The following PTPRN2 variants were observed in gnomAD, a reference collection of about 807,000 sequenced individuals.
PTPRN2 encodes receptor-type tyrosine-protein phosphatase N2.
PTPRN2 carries 74 observed loss-of-function variants against 118.8 expected under a neutral mutation model. The observed-to-expected ratio is 0.62, with a 90% CI of 0.52 to 0.76. The LOEUF is 0.76. Among genes scored for constraint, PTPRN2 ranks in the 30% least tolerant of loss-of-function variants. PTPRN2 has a pLI of 0.00. For missense variants in PTPRN2, 1,481 were observed against 1,394.4 expected (o/e 1.06, Z -0.99); for synonymous variants, 641 against 608.0 (o/e 1.05, Z -0.80).
intron 2 of PTPRN2, among the ~76,000 whole-genome samples, chr7:158,319,550 C>T (rs1304009104): frequency 6.9e-6 from 1 of 144,160 alleles, no homozygotes; most frequent in Non-Finnish European, 1.5e-5. Flanking sequence ...CTCCCTCACA[C>T]ACACACGGTC....
At chr7:158,488,415 C>T (rs1821187610) in intron 2 of PTPRN2, among the ~76,000 whole-genome samples, 1 of 152,208 alleles carries the variant, frequency 6.6e-6, no homozygotes. Context: ...ACCTGCTCTC[C>T]TCTTGGCGCC....
At chr7:157,597,456 C>T (rs983763757) in intron 16 of PTPRN2, among the ~76,000 whole-genome samples, 10 of 150,516 alleles carry the variant, frequency 6.6e-5, no homozygotes, top group South Asian at 2.1e-4. Flanking sequence ...AGGAAAGCCC[C>T]GCCTCCTTCT....
Position 158,426,061 on chromosome 7 carries a change from G to A in PTPRN2, c.163+63674C>T, listed in dbSNP as rs377456927. On this transcript the variant is annotated intron_variant, in intron 2 of 22. Coordinates refer to ENST00000389418, the MANE Select transcript of PTPRN2 (RefSeq NM_002847.5). ...GCCTGCGCACCGCCGGGAAAGACGC[G>A]GGGTCCGAGTCCAGCCTAGCTGAGG... Among the ~76,000 whole-genome samples the A allele has an allele frequency of 2.9e-3, 7 of 2,414 alleles. 1 individual carries two copies. Among genetic ancestry groups the A allele is most frequent in the Admixed American group, 0.013 (2 of 160 alleles). 1.6% of individuals were successfully genotyped at this position (2,414 alleles called of 152,430 possible). A position where few individuals can be genotyped will look rare whatever the true frequency, so the allele number is the denominator to read the frequency against.
chr7:158,240,844 T>G (rs1415324765), intron 3 of PTPRN2, among the ~76,000 whole-genome samples: 1 of 152,246 alleles, frequency 6.6e-6, no homozygotes, highest in Non-Finnish European at 1.5e-5. Flanking sequence ...AAAACATCAT[T>G]GAATAATTGA....
intron 11 of PTPRN2, among the ~76,000 whole-genome samples, chr7:158,009,143 C>T (rs1175323339): frequency 6.6e-6 from 1 of 152,098 alleles, no homozygotes; most frequent in Non-Finnish European, 1.5e-5. Flanking sequence ...TGACCGACCC[C>T]CTCAGTGAAC....
chr7:158,575,350 G>A (rs189274365), intron 1 of PTPRN2, among the ~76,000 whole-genome samples: 7 of 152,182 alleles, frequency 4.6e-5, no homozygotes, highest in East Asian at 1.9e-4. Context: ...AACCAAACAC[G>A]TCACTTTTTA....
At chr7:158,374,107 C>T (rs564029576) in intron 2 of PTPRN2, among the ~76,000 whole-genome samples, 1 of 152,196 alleles carries the variant, frequency 6.6e-6, no homozygotes, top group African/African-American at 2.4e-5. Flanking sequence ...CGCAGTGGCC[C>T]TTCTGACCCT....
At chr7:158,502,433 G>A (rs1586817348) in intron 1 of PTPRN2, among the ~76,000 whole-genome samples, 1 of 152,348 alleles carries the variant, frequency 6.6e-6, no homozygotes, top group East Asian at 1.9e-4. Context: ...CAAGACAGGT[G>A]CCCACCAGAA....
chr7:158,305,792 C>CAAAAA (rs113374723), intron 3 of PTPRN2, among the ~76,000 whole-genome samples: 141 of 116,250 alleles, frequency 1.2e-3, no homozygotes, highest in African/African-American at 4.0e-3. Context: ...GCAATTTACT[C>CAAAAA]AAAAAAAAAA....
At chr7:157,796,737 G>A (rs555242096) in intron 12 of PTPRN2, among the ~76,000 whole-genome samples, 5 of 152,308 alleles carry the variant, frequency 3.3e-5, no homozygotes, top group African/African-American at 9.6e-5. Flanking sequence ...GAAGGCGAAA[G>A]GGAAGCAATC....
At position 158,108,806 on chromosome 7, in the gene PTPRN2, C is replaced by T. The variant is rs149224520; in HGVS notation, c.1643+2023G>A. 3.4e-3 allele frequency among the ~76,000 whole-genome samples: 512 copies of T among 152,358 alleles called. 2 individuals are homozygous for T. Among genetic ancestry groups the T allele is most frequent in the African/African-American group, 0.011 (475 of 41,586 alleles). ...ATAAATGGCAGAATTGAGGCAGGGC[C>T]CATGTATCTCAAAGGGGATGCCCAG... On this transcript the variant is annotated intron_variant, in intron 10 of 22. Transcript: ENST00000389418.
intron 2 of PTPRN2, among the ~76,000 whole-genome samples, chr7:158,439,527 G>A (rs994488287): frequency 6.6e-6 from 1 of 152,152 alleles, no homozygotes; most frequent in South Asian, 2.1e-4. Context: ...AGGAGAAGGA[G>A]TAAGATGAGG....
At chr7:157,852,499 C>A (rs1809347379) in intron 12 of PTPRN2, among the ~76,000 whole-genome samples, 1 of 152,220 alleles carries the variant, frequency 6.6e-6, no homozygotes. Flanking sequence ...ATCTTAAAAA[C>A]ACATTCAATG....
rs528776966 is a variant in PTPRN2, at chr7:157,770,874, G to A, written c.1789-87937C>T. Among the ~76,000 whole-genome samples the A allele has an allele frequency of 3.3e-5, 5 of 152,152 alleles. No homozygotes were observed. The South Asian group carries it at 8.3e-4, about 25-fold the overall frequency. The stretch of plus-strand genomic sequence containing the variant: ...ACCTGAGTGTGGGGGCTGTGGGCCC[G>A]CTTGGCCAGTTGAGGCAGCAGAATG... On this transcript the variant is annotated intron_variant, in intron 12 of 22. Transcript: ENST00000389418.
At position 158,569,508 on chromosome 7, in the gene PTPRN2, GGGGTCCGGCTCTCA is replaced by G. The variant is rs1158451292; in HGVS notation, c.112+18036_112+18049del. 2.4e-4 allele frequency among the ~76,000 whole-genome samples: 36 copies of G among 152,354 alleles called. 1 individual carries two copies. The highest frequency in any genetic ancestry group is 8.7e-4 in the African/African-American group (36 of 41,604). On this transcript the variant is annotated intron_variant, in intron 1 of 22. Coordinates refer to ENST00000389418, the MANE Select transcript of PTPRN2 (RefSeq NM_002847.5). ...CGCGCACGCCAGGCTGTGGGGCCGA[GGGGTCCGGCTCTCA>G]GGGTCCTGCTCTCAGGGTCCTGCTG...
At chr7:157,854,249 C>T (rs770851961) in intron 12 of PTPRN2, among the ~76,000 whole-genome samples, 12 of 152,248 alleles carry the variant, frequency 7.9e-5, no homozygotes, top group African/African-American at 1.2e-4. Context: ...TGTCATCCCC[C>T]GACATGAAGG....
At chr7:158,157,794 A>T (rs1821969468) in intron 6 of PTPRN2, among the ~76,000 whole-genome samples, 1 of 152,196 alleles carries the variant, frequency 6.6e-6, no homozygotes, top group South Asian at 2.1e-4. Context: ...CTCCCCTGGG[A>T]GAGAGTGCGC....
chr7:157,577,919 A>G, intron 18 of PTPRN2, 102 bp downstream of exon 18: 1 of 1,380,588 alleles, frequency 7.2e-7, no homozygotes, highest in Non-Finnish European at 9.6e-7. Context: ...GCCTCCCTGC[A>G]TGCGGCCCTG....
At chr7:158,155,667 C>A (rs1821725924) in intron 6 of PTPRN2, among the ~76,000 whole-genome samples, 5 of 133,096 alleles carry the variant, frequency 3.8e-5, no homozygotes, top group South Asian at 2.6e-4. Context: ...ATCACCATCA[C>A]CAGTGCCATC....
Sources: gnomAD v4.1 joint callset for allele counts (sites outside exome capture counted in the v4.1 genomes callset) on GRCh38, gnomAD v4.1.1 for gene constraint, MANE v1.5 for transcripts, NCBI Gene and HGNC (gene_info 2026-07-23, HGNC 2026-07-21) for gene names.